The following INSRR variants were observed in gnomAD, a reference collection of about 807,000 sequenced individuals.
INSRR encodes insulin receptor-related protein.
Under a neutral mutation model 130.0 loss-of-function variants are expected in INSRR, and 114 were observed. That is an observed-to-expected ratio of 0.88 (90% CI 0.75 to 1.02). INSRR has a LOEUF of 1.02. INSRR is among the 50% of genes least tolerant of loss of function. INSRR has a pLI of 0.00. For synonymous variants in INSRR, 674 were observed against 705.2 expected (o/e 0.96, Z 0.70); for missense variants, 1,657 against 1,735.2 (o/e 0.95, Z 0.80).
chr1:156,846,148 G>GGGTGT (rs757277615), intron 8 of INSRR, 29 bp from the exon 9 acceptor site: 79 of 1,550,392 alleles, frequency 5.1e-5, no homozygotes, highest in Non-Finnish European at 6.8e-5. Context: ...TGCAACTCAG[G>GGGTGT]GGTGTGGGTC....
intron 16 of INSRR, 31 bp downstream of exon 16, chr1:156,843,396 A>G (rs1296827924): frequency 1.9e-6 from 3 of 1,610,316 alleles, no homozygotes; most frequent in African/African-American, 2.7e-5. Context: ...TCCCTTTCCC[A>G]CACCACCTGT....
chr1:156,849,929 TC>T (rs1361054746), intron 5 of INSRR, among the ~76,000 whole-genome samples: 1 of 151,306 alleles, frequency 6.6e-6, no homozygotes. Flanking sequence ...TTTTTTTTTT[TC>T]CTCACTCTGT....
chr1:156,840,900 G>A lies in INSRR; in HGVS notation c.3867C>T (p.Ser1289=), dbSNP rs1329671725. The A allele has an allele frequency of 2.5e-6, 4 of 1,613,878 alleles. No individual in the cohort carries two copies. The highest frequency in any genetic ancestry group is 3.4e-6 in the Non-Finnish European group (4 of 1,179,844). The change falls in exon 22 of 22, where the codon AGC becomes AGT. Residue 1289 remains serine, a synonymous_variant. Coordinates refer to ENST00000368195, the MANE Select transcript of INSRR (RefSeq NM_014215.3). ...AGTGCCCTGGACCCCCATTTTGAGG[G>A]CTGCAGTCTCTTGGAGTGGGTGAGG... The part of the protein sequence containing the change: ...PDSSPTPRDC[S]PQNGGPGH
At chr1:156,847,874 C>T (rs751726844) in intron 7 of INSRR, among the ~76,000 whole-genome samples, 1 of 152,048 alleles carries the variant, frequency 6.6e-6, no homozygotes, top group Non-Finnish European at 1.5e-5. Flanking sequence ...GCTCTTTGAG[C>T]CCAGAGACAG....
chr1:156,842,984 T>C lies in INSRR; in HGVS notation c.3126+20A>G. The C allele has an allele frequency of 6.3e-7, 1 of 1,576,730 alleles. No homozygotes were observed. Among genetic ancestry groups the C allele is most frequent in the Non-Finnish European group, 8.7e-7 (1 of 1,147,210 alleles). ...TTTACACTAATTATGACCCTGACAA[T>C]GCCCTTGGCTCTCCCTTACCACATG... On this transcript the variant is annotated intron_variant, in intron 17 of 21. Coordinates refer to ENST00000368195, the MANE Select transcript of INSRR (RefSeq NM_014215.3).
intron 20 of INSRR, 59 bp downstream of exon 20, chr1:156,841,606 G>A: frequency 6.2e-7 from 1 of 1,609,454 alleles, no homozygotes; most frequent in Non-Finnish European, 8.5e-7. Context: ...GGTGTTCCAG[G>A]CCCCTCCCCA....
At chr1:156,845,877 C>G in intron 9 of INSRR, 63 bp from the exon 10 acceptor site, 1 of 1,598,622 alleles carries the variant, frequency 6.3e-7, no homozygotes, top group Non-Finnish European at 8.5e-7. Context: ...ATCCCCCCCA[C>G]CTGCCGGGGC....
In INSRR at chr1:156,856,008, A is replaced by G. The variant is rs1466213131; in HGVS notation, c.86-1705T>C. On this transcript the variant is annotated intron_variant, in intron 1 of 21. Coordinates refer to ENST00000368195, the MANE Select transcript of INSRR (RefSeq NM_014215.3). ...CAGGCTAGAGTGTAGTGGGAGGATCATAGTTTGCTGCATACTTGAACTCCT... is the reference window on the plus strand; with the variant it reads ...CAGGCTAGAGTGTAGTGGGAGGATCGTAGTTTGCTGCATACTTGAACTCCT... 2.6e-5 allele frequency among the ~76,000 whole-genome samples: 4 copies of G among 151,860 alleles called. No individual in the cohort carries two copies. In the East Asian group the frequency reaches 5.8e-4, roughly 22 times the overall value.
chr1:156,851,348 C>T lies in INSRR; in HGVS notation c.1171G>A (p.Val391Met), dbSNP rs142717439. 1.1e-5 allele frequency: 17 copies of T among 1,613,986 alleles called. No individual in the cohort carries two copies. The highest frequency in any genetic ancestry group is 2.7e-5 in the African/African-American group (2 of 74,898). ...FLKIKHSFAL[V>M]SLGFFKNLKL... Reference sequence around the variant, plus strand: ...AGGTTCTTGAAAAAGCCCAGGGACACGAGGGCAAAGGAGTGCTTGATTTTG... The same window carrying T: ...AGGTTCTTGAAAAAGCCCAGGGACATGAGGGCAAAGGAGTGCTTGATTTTG... The change falls in exon 5 of 22, where the codon GTG becomes ATG. Residue 391 changes from valine (V) to methionine (M), a missense_variant. By Grantham distance (21) the Val-to-Met change is conservative. Transcript: ENST00000368195.
intron 5 of INSRR, among the ~76,000 whole-genome samples, chr1:156,850,754 A>C (rs986387401): frequency 7.0e-6 from 1 of 143,604 alleles, no homozygotes; most frequent in African/African-American, 2.6e-5. Flanking sequence ...ATGGGGTTTC[A>C]CCACGTTGGC....
chr1:156,841,881 C>G, intron 19 of INSRR, 87 bp from the exon 20 acceptor site: 1 of 1,607,020 alleles, frequency 6.2e-7, no homozygotes, highest in East Asian at 2.2e-5. Flanking sequence ...TCCCAATCTT[C>G]TCATCCTCCA....
chr1:156,847,305 GA>G (rs1655046342), intron 7 of INSRR, among the ~76,000 whole-genome samples: 1 of 152,192 alleles, frequency 6.6e-6, no homozygotes, highest in Non-Finnish European at 1.5e-5. Flanking sequence ...AAAAGGCCAA[GA>G]CCCACTGCCA....
chr1:156,856,649 T>C (rs1171695127), intron 1 of INSRR, among the ~76,000 whole-genome samples: 2 of 152,080 alleles, frequency 1.3e-5, no homozygotes, highest in Non-Finnish European at 2.9e-5. Flanking sequence ...GGCTCCAAAA[T>C]TGTTGTATAC....
At position 156,849,409 on chromosome 1, in the gene INSRR, G is replaced by C. The variant is rs140808257; in HGVS notation, c.1281C>G (p.Ser427=). The change falls in exon 6 of 22, where the codon TCC becomes TCG. Residue 427 remains serine, a synonymous_variant. Coordinates refer to ENST00000368195, the MANE Select transcript of INSRR (RefSeq NM_014215.3). ...LDNQNLQQLG[S]WVAAGLTIPV... Reference sequence around the variant, plus strand: ...GAATGGTGAGCCCCGCGGCCACCCAGGACCCTAGCTGTTGTAGGTTCTGGT... The same window carrying C: ...GAATGGTGAGCCCCGCGGCCACCCACGACCCTAGCTGTTGTAGGTTCTGGT... 9.1e-4 allele frequency: 1,461 copies of C among 1,613,896 alleles called. 16 individuals are homozygous for C. The African/African-American group carries it at 0.018, about 20-fold the overall frequency.
chr1:156,846,898 C>T, intron 7 of INSRR, 141 bp from the exon 8 acceptor site: 1 of 687,156 alleles, frequency 1.5e-6, no homozygotes, highest in African/African-American at 1.8e-5. Context: ...ACCTGTTAGA[C>T]CTTGGCAAGG....
chr1:156,843,794 G>C (rs1654888456), intron 15 of INSRR, among the ~76,000 whole-genome samples: 1 of 152,194 alleles, frequency 6.6e-6, no homozygotes, highest in Admixed American at 6.5e-5. Context: ...CTGACATCAG[G>C]CATTCTGGAA....
chr1:156,848,084 A>G (rs1655073451), intron 7 of INSRR, among the ~76,000 whole-genome samples: 1 of 151,732 alleles, frequency 6.6e-6, no homozygotes, highest in Non-Finnish European at 1.5e-5. Flanking sequence ...GAGGCCCAGG[A>G]ATCTGTATTT....
rs572007904 is a variant in INSRR, at chr1:156,848,778, C to G, written c.1571+143G>C. 78 of 941,482 alleles carry G rather than the reference C, an allele frequency of 8.3e-5. 1 individual carries two copies. In the South Asian group the frequency reaches 1.3e-3, roughly 16 times the overall value. The allele number at this position is 941,482 out of a possible 1,614,324, so 58.3% of individuals were successfully genotyped here. On this transcript the variant is annotated intron_variant, in intron 7 of 21. Coordinates refer to ENST00000368195, the MANE Select transcript of INSRR (RefSeq NM_014215.3). ...GTGAGGGAAGAGAGCCAGACCTGGG[C>G]CCTACCACGGAGTACAACTTGCGGG...
Position 156,844,789 on chromosome 1 carries a change from CTG to C in INSRR, c.2490_2491del (p.Asn830LysfsTer61). On this transcript the variant is annotated frameshift_variant, in exon 13 of 22. Coordinates refer to ENST00000368195, the MANE Select transcript of INSRR (RefSeq NM_014215.3). LOFTEE classifies it high-confidence loss of function. ...TGGCTCGAGCCAGCGCAGAAGGACA[CTG>C]TTCTTGCTGGAGGCCTCCCAGGCCA... The C allele has an allele frequency of 6.2e-7, 1 of 1,614,164 alleles. No individual in the cohort carries two copies. Among genetic ancestry groups the C allele is most frequent in the South Asian group, 1.1e-5 (1 of 91,080 alleles).
Sources: allele counts gnomAD v4.1 joint callset (sites outside exome capture counted in the v4.1 genomes callset), GRCh38; gene constraint gnomAD v4.1.1; transcripts MANE v1.5; gene names NCBI Gene and HGNC (gene_info 2026-07-23, HGNC 2026-07-21).